SLC35F3: variants seen among roughly 807,000 people sequenced by gnomAD.
SLC35F3 encodes solute carrier family 35 member F3.
SLC35F3 carries 25 observed loss-of-function variants against 49.9 expected under a neutral mutation model. The ratio of observed to expected loss-of-function variants is 0.50; its 90% CI spans 0.37 to 0.70. The LOEUF (loss-of-function observed/expected upper bound fraction) is 0.70, where lower values mean the gene tolerates loss of function less well. Ranked by LOEUF, SLC35F3 falls within the 30% of genes least tolerant of loss-of-function variation. The pLI, the probability that SLC35F3 is intolerant of heterozygous loss-of-function variation, is 0.00. For synonymous variants in SLC35F3, 275 were observed against 265.4 expected (o/e 1.04, Z -0.35); for missense variants, 525 against 639.8 (o/e 0.82, Z 1.94).
chr1:233,957,884 AGC>A lies in SLC35F3; in HGVS notation c.283+52127_283+52128del, dbSNP rs765103361. Among the ~76,000 whole-genome samples, 7 of 152,130 alleles carry A rather than the reference AGC, an allele frequency of 4.6e-5. No homozygotes were observed. On this transcript the variant is annotated intron_variant, in intron 2 of 7. Transcript: ENST00000366618. The surrounding 1 kb of genome is among the most constrained non-coding windows in gnomAD (Gnocchi z 4.0). ...ATGAGATGGCTGGGCTCAGCTGGGCAGCTCTTCTGCTGGTAGTTCTTGAGGCC... is the reference window on the plus strand; with the variant it reads ...ATGAGATGGCTGGGCTCAGCTGGGCATCTTCTGCTGGTAGTTCTTGAGGCC...
intron 2 of SLC35F3, among the ~76,000 whole-genome samples, chr1:233,997,411 A>C (rs1432391163): frequency 6.6e-6 from 1 of 152,046 alleles, no homozygotes; most frequent in East Asian, 1.9e-4. Context: ...CTCCTCATCT[A>C]TACTGTCTTT....
intron 3 of SLC35F3, among the ~76,000 whole-genome samples, chr1:234,241,928 T>A (rs145319063): frequency 1.6e-3 from 239 of 152,232 alleles, no homozygotes; most frequent in African/African-American, 5.7e-3. Flanking sequence ...CATCCAGTCT[T>A]CCTTGATGGC....
chr1:234,110,429 C>G (rs1341387360), intron 2 of SLC35F3, among the ~76,000 whole-genome samples: 1 of 152,218 alleles, frequency 6.6e-6, no homozygotes, highest in East Asian at 1.9e-4. Context: ...TGTCCTGCGG[C>G]AGAGGCCATT....
intron 2 of SLC35F3, among the ~76,000 whole-genome samples, chr1:234,154,362 A>G (rs74147535): frequency 1.4e-3 from 212 of 152,364 alleles, no homozygotes; most frequent in African/African-American, 5.0e-3. Flanking sequence ...AAATCTCAAT[A>G]TGAACTCATA....
intron 2 of SLC35F3, among the ~76,000 whole-genome samples, chr1:234,030,218 T>C (rs1315267491): frequency 6.6e-6 from 1 of 152,146 alleles, no homozygotes; most frequent in Non-Finnish European, 1.5e-5. Flanking sequence ...ACCCTTCCAC[T>C]CCTACCTACG....
intron 2 of SLC35F3, among the ~76,000 whole-genome samples, chr1:234,066,549 C>T (rs1233733141): frequency 6.6e-6 from 1 of 152,110 alleles, no homozygotes; most frequent in Admixed American, 6.5e-5. Flanking sequence ...CCATGTGCTT[C>T]TTACCTATGG....
At chr1:234,215,620 C>T (rs971188826) in intron 2 of SLC35F3, among the ~76,000 whole-genome samples, 1 of 152,242 alleles carries the variant, frequency 6.6e-6, no homozygotes, top group Admixed American at 6.5e-5. Context: ...TTCTGCCCTT[C>T]CCAGGAAGCC....
At chr1:234,228,528 A>T (rs557610974) in intron 2 of SLC35F3, among the ~76,000 whole-genome samples, 1 of 152,226 alleles carries the variant, frequency 6.6e-6, no homozygotes, top group Non-Finnish European at 1.5e-5. Flanking sequence ...CACATGTTTC[A>T]CAGTGATTTC....
intron 2 of SLC35F3, among the ~76,000 whole-genome samples, chr1:234,075,892 CT>C (rs1664785228): frequency 6.6e-6 from 1 of 152,220 alleles, no homozygotes; most frequent in South Asian, 2.1e-4. Flanking sequence ...CTACCTGCTC[CT>C]TTTCTCCTGC....
intron 2 of SLC35F3, among the ~76,000 whole-genome samples, chr1:234,185,727 A>G (rs10910375): frequency 0.076 from 11,506 of 152,258 alleles, 1,398 homozygotes; most frequent in African/African-American, 0.26. Flanking sequence ...GACCTAAGGT[A>G]TTGATTCTGA....
intron 3 of SLC35F3, among the ~76,000 whole-genome samples, chr1:234,299,270 C>A (rs1472500521): frequency 1.3e-5 from 2 of 152,134 alleles, no homozygotes; most frequent in African/African-American, 4.8e-5. Flanking sequence ...GTCTCATAGT[C>A]CTGGGGAGAA....
At chr1:234,288,698 G>T (rs1321654825) in intron 3 of SLC35F3, among the ~76,000 whole-genome samples, 2 of 152,170 alleles carry the variant, frequency 1.3e-5, no homozygotes, top group Non-Finnish European at 2.9e-5. Context: ...GTTTCACAAA[G>T]TTGCTATTCA....
At chr1:234,241,726 A>G (rs910356930) in intron 3 of SLC35F3, among the ~76,000 whole-genome samples, 39 of 131,364 alleles carry the variant, frequency 3.0e-4, no homozygotes, top group Non-Finnish European at 5.1e-4. Flanking sequence ...CAAGAGTGAC[A>G]CTCTGTCTCA....
At chr1:234,151,354 A>G (rs888977343) in intron 2 of SLC35F3, among the ~76,000 whole-genome samples, 1 of 152,090 alleles carries the variant, frequency 6.6e-6, no homozygotes, top group Admixed American at 6.5e-5. Context: ...TTTCACAGGA[A>G]AATGAGCATG....
intron 3 of SLC35F3, among the ~76,000 whole-genome samples, chr1:234,278,507 G>A (rs983478163): frequency 7.8e-5 from 11 of 141,288 alleles, no homozygotes; most frequent in East Asian, 6.1e-4. Flanking sequence ...AAAAAAAAAC[G>A]AAAAAAAAAG....
intron 2 of SLC35F3, among the ~76,000 whole-genome samples, chr1:234,144,425 G>A (rs1015059211): frequency 6.6e-6 from 1 of 152,178 alleles, no homozygotes; most frequent in East Asian, 1.9e-4. Context: ...ATGATGGAAT[G>A]GTGGTTCCAT....
At chr1:234,031,063 A>T (rs1490157160) in intron 2 of SLC35F3, among the ~76,000 whole-genome samples, 3 of 152,230 alleles carry the variant, frequency 2.0e-5, no homozygotes, top group Admixed American at 1.3e-4. Flanking sequence ...GCCAAGACTT[A>T]TAGAAGAGTT....
chr1:233,906,327 G>A (rs981586370), intron 2 of SLC35F3, among the ~76,000 whole-genome samples: 7 of 152,108 alleles, frequency 4.6e-5, no homozygotes, highest in African/African-American at 1.7e-4. Flanking sequence ...AGTGGTGTTG[G>A]TCCCTGCAAG....
chr1:234,214,717 C>A lies in SLC35F3; in HGVS notation c.284-16700C>A. ...CGCGGCTCCGCAGTGCAGAGCGCCG[C>A]CGCCTGCGTGGGGGGATCTGGCAGC... On this transcript the variant is annotated intron_variant, in intron 2 of 7. Coordinates refer to ENST00000366618, the MANE Select transcript of SLC35F3 (RefSeq NM_173508.4). This position sits in a 1 kb window ranked among gnomAD's most constrained non-coding sequence, Gnocchi z 8.0. 1.8e-6 allele frequency: 2 copies of A among 1,127,300 alleles called. No individual in the cohort carries two copies. The highest frequency in any genetic ancestry group is 2.4e-6 in the Non-Finnish European group (2 of 845,982). The allele number at this position is 1,127,300 out of a possible 1,614,324, so 69.8% of individuals were successfully genotyped here.
Sources: gnomAD v4.1 joint callset for allele counts (sites outside exome capture counted in the v4.1 genomes callset) on GRCh38, gnomAD v4.1.1 for gene constraint, Gnocchi (gnomAD v3.1) non-coding constraint, MANE v1.5 for transcripts, NCBI Gene and HGNC (gene_info 2026-07-23, HGNC 2026-07-21) for gene names.